Variants in ULK4 observed in about 807,000 individuals in gnomAD.
ULK4 encodes the protein unc-51 like kinase 4.
In ULK4, 133 loss-of-function variants were observed where a neutral mutation model predicts 160.6. That is an observed-to-expected ratio of 0.83 (90% CI 0.72 to 0.96). The LOEUF (loss-of-function observed/expected upper bound fraction) is 0.96. Among genes scored for constraint, ULK4 ranks in the 40% least tolerant of loss-of-function variants. The pLI is 0.00. For synonymous variants in ULK4, 534 were observed against 539.8 expected (o/e 0.99, Z 0.15); for missense variants, 1,580 against 1,499.5 (o/e 1.05, Z -0.89).
intron 34 of ULK4, among the ~76,000 whole-genome samples, chr3:41,446,282 T>G (rs987509696): frequency 2.4e-4 from 36 of 152,318 alleles, no homozygotes; most frequent in East Asian, 1.4e-3. Flanking sequence ...TTGGTGGGAA[T>G]GTAAACTAGT....
intron 22 of ULK4, among the ~76,000 whole-genome samples, chr3:41,744,780 T>C (rs9825768): frequency 0.052 from 7,910 of 151,806 alleles, 461 homozygotes; most frequent in African/African-American, 0.12. Flanking sequence ...AAGCGCCCTG[T>C]ACCATTCACC....
At chr3:41,667,540 T>C (rs1314552896) in intron 29 of ULK4, among the ~76,000 whole-genome samples, 3 of 152,086 alleles carry the variant, frequency 2.0e-5, no homozygotes, top group Non-Finnish European at 2.9e-5. Flanking sequence ...AAAAAATATA[T>C]AGTGATGAGC....
intron 8 of ULK4, among the ~76,000 whole-genome samples, chr3:41,914,158 C>T (rs1436498336): frequency 6.6e-6 from 1 of 152,140 alleles, no homozygotes; most frequent in African/African-American, 2.4e-5. Flanking sequence ...TAGATATACT[C>T]ACCAGAGTGG....
intron 30 of ULK4, among the ~76,000 whole-genome samples, chr3:41,634,410 T>A (rs935895386): frequency 3.3e-5 from 5 of 151,850 alleles, no homozygotes; most frequent in African/African-American, 1.2e-4. Context: ...GATGAAAGAG[T>A]TTTATTTACA....
At chr3:41,421,098 A>G (rs1347216911) in intron 34 of ULK4, among the ~76,000 whole-genome samples, 1 of 149,060 alleles carries the variant, frequency 6.7e-6, no homozygotes, top group Non-Finnish European at 1.5e-5. Flanking sequence ...TGGGAAACAA[A>G]TAAGTGAGAC....
intron 35 of ULK4, chr3:41,278,009 CA>C (rs1289306101): frequency 6.6e-6 from 1 of 152,292 alleles, no homozygotes; most frequent in East Asian, 1.9e-4. Flanking sequence ...CTGGGAGGCA[CA>C]AGGGGTCGGG....
chr3:41,606,300 A>T (rs1356637879), intron 31 of ULK4, among the ~76,000 whole-genome samples: 1 of 152,086 alleles, frequency 6.6e-6, no homozygotes, highest in East Asian at 1.9e-4. Flanking sequence ...AACCAAAGGC[A>T]AATGACAAGA....
intron 28 of ULK4, 32 bp downstream of exon 28, chr3:41,681,721 G>T (rs759917575): frequency 7.4e-6 from 12 of 1,613,822 alleles, no homozygotes; most frequent in Non-Finnish European, 1.0e-5. Context: ...ATGTGTAACT[G>T]ATGCAATTCT....
chr3:41,415,521 A>C (rs2082504152), intron 34 of ULK4, among the ~76,000 whole-genome samples: 1 of 152,098 alleles, frequency 6.6e-6, no homozygotes, highest in South Asian at 2.1e-4. Flanking sequence ...CTTATCAAGC[A>C]CGGTGCCGCT....
At chr3:41,450,000 T>C (rs935462653) in intron 34 of ULK4, among the ~76,000 whole-genome samples, 20 of 150,960 alleles carry the variant, frequency 1.3e-4, no homozygotes, top group Middle Eastern at 3.4e-3. Context: ...CAGAACAATA[T>C]AAATTAGTCT....
intron 22 of ULK4, among the ~76,000 whole-genome samples, chr3:41,743,270 T>A (rs2125883033): frequency 6.6e-6 from 1 of 151,628 alleles, no homozygotes; most frequent in South Asian, 2.1e-4. Flanking sequence ...AATAACAGAT[T>A]TGAACCATGA....
intron 32 of ULK4, 119 bp downstream of exon 32, chr3:41,565,906 A>C: frequency 1.4e-6 from 1 of 693,436 alleles, no homozygotes; most frequent in Non-Finnish European, 2.3e-6. Context: ...ATATTACTTG[A>C]AAATTCTTAT....
At chr3:41,520,607 C>T (rs2085900765) in intron 32 of ULK4, among the ~76,000 whole-genome samples, 1 of 152,090 alleles carries the variant, frequency 6.6e-6, no homozygotes, top group Admixed American at 6.6e-5. Flanking sequence ...TATGTAATTC[C>T]TTATTTAACG....
chr3:41,329,435 C>T (rs754297812), intron 35 of ULK4, among the ~76,000 whole-genome samples: 16 of 152,122 alleles, frequency 1.1e-4, no homozygotes, highest in African/African-American at 2.2e-4. Flanking sequence ...TCATTGAAAA[C>T]GGCCAAATGC....
intron 22 of ULK4, among the ~76,000 whole-genome samples, chr3:41,739,800 A>G (rs1559519922): frequency 6.6e-6 from 1 of 151,894 alleles, no homozygotes; most frequent in Non-Finnish European, 1.5e-5. Context: ...CAAAGTGGCA[A>G]AGATGAAGGC....
intron 1 of ULK4, among the ~76,000 whole-genome samples, chr3:41,958,292 T>C (rs1559677457): frequency 6.6e-6 from 1 of 152,128 alleles, no homozygotes; most frequent in Admixed American, 6.6e-5. Flanking sequence ...TGCACAACAA[T>C]GTAACTGTTC....
At chr3:41,345,633 G>T (rs576368885) in intron 35 of ULK4, among the ~76,000 whole-genome samples, 1 of 152,256 alleles carries the variant, frequency 6.6e-6, no homozygotes, top group African/African-American at 2.4e-5. Context: ...AGAGGTTGGG[G>T]GTGGCGGGAA....
Position 41,954,782 on chromosome 3 carries a change from C to T in ULK4, c.-23G>A, listed in dbSNP as rs759484034. 4 of 1,600,308 alleles carry T rather than the reference C, an allele frequency of 2.5e-6. No individual in the cohort carries two copies. Among genetic ancestry groups the T allele is most frequent in the South Asian group, 1.1e-5 (1 of 88,620 alleles). ...CATCTCTGGGCCGACTTCTCACATACAATAGAATAACAGCATCTCTAGCTC... is the reference window on the plus strand; with the variant it reads ...CATCTCTGGGCCGACTTCTCACATATAATAGAATAACAGCATCTCTAGCTC... On this transcript the variant is annotated 5_prime_UTR_variant, in exon 2 of 37. Coordinates refer to ENST00000301831, the MANE Select transcript of ULK4 (RefSeq NM_017886.4).
intron 32 of ULK4, among the ~76,000 whole-genome samples, chr3:41,550,470 C>T (rs2087020049): frequency 6.6e-6 from 1 of 151,830 alleles, no homozygotes; most frequent in East Asian, 1.9e-4. Context: ...AAACCAAAAG[C>T]AAGCAAAAGT....
Sources: gnomAD v4.1 joint callset for allele counts (sites outside exome capture counted in the v4.1 genomes callset) on GRCh38, gnomAD v4.1.1 for gene constraint, MANE v1.5 for transcripts, NCBI Gene and HGNC (gene_info 2026-07-23, HGNC 2026-07-21) for gene names.